Variants in VSTM2B observed in about 807,000 individuals in gnomAD.
VSTM2B encodes the protein V-set and transmembrane domain containing 2B.
Under a neutral mutation model 24.0 loss-of-function variants are expected in VSTM2B, and 24 were observed. That is an observed-to-expected ratio of 1.00 (90% CI 0.72 to 1.40). The LOEUF (loss-of-function observed/expected upper bound fraction) is 1.40, where lower values mean the gene tolerates loss of function less well. Ranked by LOEUF, VSTM2B falls within the 40% of genes most tolerant of loss-of-function variation. The probability of loss-of-function intolerance (pLI) is 0.00; values close to 1 mark genes in which losing one functional copy is unlikely to be tolerated. For missense variants in VSTM2B, 399 were observed against 416.4 expected (o/e 0.96, Z 0.36); for synonymous variants, 226 against 194.4 (o/e 1.16, Z -1.35).
intron 4 of VSTM2B, among the ~76,000 whole-genome samples, chr19:29,543,175 A>T (rs77908592): frequency 0.013 from 1,935 of 152,330 alleles, 37 homozygotes; most frequent in Non-Finnish European, 0.019. Context: ...TCCCATCTCC[A>T]GGTGGGCAGA....
intron 4 of VSTM2B, among the ~76,000 whole-genome samples, chr19:29,533,045 C>T (rs1274392729): frequency 2.0e-5 from 3 of 152,196 alleles, no homozygotes; most frequent in Non-Finnish European, 2.9e-5. Context: ...TCTCCAGTCT[C>T]GGTGCTGGCC....
chr19:29,525,858 G>A (rs1969545316), upstream of VSTM2B: 1 of 151,228 alleles, frequency 6.6e-6, no homozygotes, highest in South Asian at 2.1e-4. Flanking sequence ...CCCGAGGAGA[G>A]AGGGGGAGCG....
In VSTM2B at chr19:29,538,269, TATC is replaced by T. The variant is rs140620658; in HGVS notation, c.769+7984_769+7986del. 6.5e-3 allele frequency among the ~76,000 whole-genome samples: 989 copies of T among 152,342 alleles called. 4 individuals carry two copies. The highest frequency in any genetic ancestry group is 9.6e-3 in the Non-Finnish European group (653 of 68,034). On this transcript the variant is annotated intron_variant, in intron 4 of 4. Transcript: ENST00000335523. ...TCTCTGTACGAGTTCCGTCATCTGT[TATC>T]ATCAGCACGACACCGATTCCTATGC...
intron 4 of VSTM2B, among the ~76,000 whole-genome samples, chr19:29,556,268 A>T (rs1247826936): frequency 6.6e-6 from 1 of 152,224 alleles, no homozygotes; most frequent in African/African-American, 2.4e-5. Context: ...TTCTAAACAG[A>T]ACGAAAGACC....
chr19:29,533,591 G>A (rs1365089713), intron 4 of VSTM2B, among the ~76,000 whole-genome samples: 2 of 152,012 alleles, frequency 1.3e-5, no homozygotes, highest in African/African-American at 4.8e-5. Flanking sequence ...CTCTGGGCAC[G>A]GAAAATGGAT....
At chr19:29,533,892 G>C (rs78793103) in intron 4 of VSTM2B, among the ~76,000 whole-genome samples, 1,591 of 152,356 alleles carry the variant, frequency 0.01, 8 homozygotes, top group Non-Finnish European at 0.017. Flanking sequence ...GAGCTGCAGA[G>C]GGAGCTCGGG....
chr19:29,543,129 A>G (rs1970062865), intron 4 of VSTM2B, among the ~76,000 whole-genome samples: 1 of 152,194 alleles, frequency 6.6e-6, no homozygotes, highest in Non-Finnish European at 1.5e-5. Flanking sequence ...CCACGTACAA[A>G]TTAATGTAGA....
chr19:29,542,187 G>A lies in VSTM2B; in HGVS notation c.769+11897G>A, dbSNP rs543039531. Reference sequence around the variant, plus strand: ...CTGGAGAATGAGTGGATGGGTAGAAGAATGATAAGTAGATGGGTAGATGGG... The same window carrying A: ...CTGGAGAATGAGTGGATGGGTAGAAAAATGATAAGTAGATGGGTAGATGGG... On this transcript the variant is annotated intron_variant, in intron 4 of 4. Transcript: ENST00000335523. Among the ~76,000 whole-genome samples, 270 of 151,244 alleles carry A rather than the reference G, an allele frequency of 1.8e-3. 1 individual carries two copies. The highest frequency in any genetic ancestry group is 6.4e-3 in the African/African-American group (263 of 41,096).
In VSTM2B at chr19:29,530,044, G is replaced by C. The variant is rs760194183; in HGVS notation, c.523G>C (p.Gly175Arg). ...HIQSSGPRRH[G>R]PASAANANNA... is the part of the protein sequence containing the mutation. The stretch of plus-strand genomic sequence containing the variant: ...CCAGAGCAGCGGCCCGCGTCGCCAC[G>C]GCCCAGCCAGCGCCGCCAACGCCAA... Residue 175 changes from glycine (G) to arginine (R), a missense_variant, in exon 4 of 5, where the codon GGC becomes CGC. By Grantham distance (125) the Gly-to-Arg change is moderately radical. Coordinates refer to ENST00000335523, the MANE Select transcript of VSTM2B (RefSeq NM_001146339.2). The C allele has an allele frequency of 9.8e-6, 15 of 1,523,356 alleles. No homozygotes were observed. Among genetic ancestry groups the C allele is most frequent in the Non-Finnish European group, 1.3e-5 (15 of 1,141,514 alleles). 94.4% of individuals were successfully genotyped at this position (1,523,356 alleles called of 1,614,324 possible).
chr19:29,538,060 A>T (rs1969934281), intron 4 of VSTM2B, among the ~76,000 whole-genome samples: 1 of 152,184 alleles, frequency 6.6e-6, no homozygotes, highest in Non-Finnish European at 1.5e-5. Context: ...ATGCTGGCTC[A>T]CAGGTAAGCC....
At chr19:29,556,224 A>G (rs547723163) in intron 4 of VSTM2B, among the ~76,000 whole-genome samples, 1 of 152,284 alleles carries the variant, frequency 6.6e-6, no homozygotes, top group East Asian at 1.9e-4. Context: ...ACCACAATCA[A>G]GTCAGCTTCA....
At chr19:29,538,639 G>A (rs2145480986) in intron 4 of VSTM2B, among the ~76,000 whole-genome samples, 1 of 152,344 alleles carries the variant, frequency 6.6e-6, no homozygotes, top group African/African-American at 2.4e-5. Flanking sequence ...GGCTGTGCAA[G>A]CAAGGCACCA....
chr19:29,551,462 TG>T (rs1970284375), intron 4 of VSTM2B, among the ~76,000 whole-genome samples: 1 of 84,614 alleles, frequency 1.2e-5, no homozygotes, highest in Non-Finnish European at 2.4e-5. Context: ...TATGGTGGGG[TG>T]GGGGGCAGGG....
At chr19:29,533,281 A>G (rs1203198669) in intron 4 of VSTM2B, among the ~76,000 whole-genome samples, 1 of 152,156 alleles carries the variant, frequency 6.6e-6, no homozygotes, top group Non-Finnish European at 1.5e-5. Context: ...GGAGGGGCTG[A>G]TGTCCACTGC....
In VSTM2B at chr19:29,530,300, C is replaced by A. The variant is rs1001265382; in HGVS notation, c.769+10C>A. ...CAGAGGCACGGCTCGGGTAAGGGATCGCGGAGAGGGGGCGCACGCGCGGGG... is the reference window on the plus strand; with the variant it reads ...CAGAGGCACGGCTCGGGTAAGGGATAGCGGAGAGGGGGCGCACGCGCGGGG... On this transcript the variant is annotated intron_variant, in intron 4 of 4. Transcript: ENST00000335523. 7.3e-4 allele frequency: 1,082 copies of A among 1,488,668 alleles called. No individual in the cohort carries two copies. Among genetic ancestry groups the A allele is most frequent in the Non-Finnish European group, 8.7e-4 (983 of 1,127,426 alleles). The allele number at this position is 1,488,668 out of a possible 1,614,324, so 92.2% of individuals were successfully genotyped here.
intron 4 of VSTM2B, among the ~76,000 whole-genome samples, chr19:29,559,463 G>A (rs938507787): frequency 6.6e-6 from 1 of 152,158 alleles, no homozygotes; most frequent in Admixed American, 6.5e-5. Flanking sequence ...CCTATTGGGG[G>A]TTGAAAGGCT....
intron 4 of VSTM2B, among the ~76,000 whole-genome samples, chr19:29,545,605 C>A (rs1334259412): frequency 3.9e-5 from 6 of 152,146 alleles, no homozygotes. Context: ...AAGAGTGAAA[C>A]TCCATCTCAA....
chr19:29,549,234 C>T (rs1395223312), intron 4 of VSTM2B, among the ~76,000 whole-genome samples: 1 of 152,200 alleles, frequency 6.6e-6, no homozygotes, highest in Non-Finnish European at 1.5e-5. Flanking sequence ...GTGCCTTTAC[C>T]TTGTCCCTGG....
At chr19:29,545,101 G>A (rs1053830344) in intron 4 of VSTM2B, among the ~76,000 whole-genome samples, 15 of 152,040 alleles carry the variant, frequency 9.9e-5, no homozygotes, top group Admixed American at 7.9e-4. Context: ...CTGGGTCAGC[G>A]AGGGCCCAAT....
Sources: gnomAD v4.1 joint callset for allele counts (sites outside exome capture counted in the v4.1 genomes callset) on GRCh38, gnomAD v4.1.1 for gene constraint, MANE v1.5 for transcripts, NCBI Gene and HGNC (gene_info 2026-07-23, HGNC 2026-07-21) for gene names.